The following FAM169A variants were observed in gnomAD, a reference collection of about 807,000 sequenced individuals.
FAM169A encodes family with sequence similarity 169 member A.
Under a neutral mutation model 75.7 loss-of-function variants are expected in FAM169A, and 24 were observed. The observed-to-expected ratio is 0.32, with a 90% confidence interval of 0.23 to 0.45. The LOEUF (loss-of-function observed/expected upper bound fraction) is 0.45. Among genes scored for constraint, FAM169A ranks in the 20% least tolerant of loss-of-function variants. The probability of loss-of-function intolerance (pLI) is 1.00; values close to 1 mark genes in which losing one functional copy is unlikely to be tolerated. For synonymous variants in FAM169A, 271 were observed against 271.0 expected, an observed-to-expected ratio of 1.00 and a Z score of 0.00; for missense variants, 673 against 784.0, an observed-to-expected ratio of 0.86 and a Z score of 1.69.
At chr5:74,784,676 T>G (rs1745596981) in intron 11 of FAM169A, among the ~76,000 whole-genome samples, 1 of 146,460 alleles carries the variant, frequency 6.8e-6, no homozygotes, top group Admixed American at 6.8e-5. Context: ...CCCAGCACTT[T>G]GGGAGGCCGA....
Position 74,810,172 on chromosome 5 carries a change from C to G in FAM169A, c.670+3668G>C, listed in dbSNP as rs375013323. On this transcript the variant is annotated intron_variant, in intron 6 of 12. Coordinates refer to ENST00000687041, the MANE Select transcript of FAM169A (RefSeq NM_001376049.1). ...AAAAGGAATGAAGTACTGAGACATG[C>G]AACATCAATGAGCCTCAAAAATAAG... is the stretch of plus-strand genomic sequence containing the variant. 2.6e-5 allele frequency among the ~76,000 whole-genome samples: 4 copies of G among 152,198 alleles called. No homozygotes were observed. In the South Asian group the frequency reaches 6.2e-4, roughly 24 times the overall value.
chr5:74,849,611 CAACCTTATTTCTG>C lies in FAM169A; in HGVS notation c.-3-7945_-3-7933del, dbSNP rs1749337181. Among the ~76,000 whole-genome samples the C allele has an allele frequency of 2.6e-5, 4 of 152,098 alleles. No individual in the cohort carries two copies. In the South Asian group the frequency reaches 8.3e-4, roughly 32 times the overall value. ...CAGGCAACATAATCAGCAATGCTCT[CAACCTTATTTCTG>C]AACCTTATTATGATTCCTCTCTTGA... On this transcript the variant is annotated intron_variant, in intron 1 of 12. Coordinates refer to ENST00000687041, the MANE Select transcript of FAM169A (RefSeq NM_001376049.1).
intron 5 of FAM169A, among the ~76,000 whole-genome samples, chr5:74,830,919 C>A (rs369961490): frequency 2.0e-5 from 3 of 152,270 alleles, no homozygotes; most frequent in African/African-American, 7.2e-5. Flanking sequence ...GGGTCATACA[C>A]TGGGGCTTTG....
chr5:74,862,184 T>C (rs965626901), intron 1 of FAM169A, among the ~76,000 whole-genome samples: 1 of 152,236 alleles, frequency 6.6e-6, no homozygotes, highest in Non-Finnish European at 1.5e-5. Flanking sequence ...TTTAAACTGC[T>C]ATTGGAATGC....
At chr5:74,822,809 A>C (rs1320371773) in intron 5 of FAM169A, among the ~76,000 whole-genome samples, 1 of 151,932 alleles carries the variant, frequency 6.6e-6, no homozygotes, top group Non-Finnish European at 1.5e-5. Context: ...GTATTATCAA[A>C]CTACTCCTCT....
In FAM169A at chr5:74,801,574, C is replaced by T; in HGVS notation, c.952+16G>A. On this transcript the variant is annotated intron_variant, in intron 9 of 12. Transcript: ENST00000687041. ...GTGTCTCAAATACTTACTGATATAT[C>T]AGTTGAATTTCTTACCTTCGGAAGT... 6.3e-7 allele frequency: 1 copy of T among 1,590,400 alleles called. No homozygotes were observed. The highest frequency in any genetic ancestry group is 2.2e-5 in the East Asian group (1 of 44,760).
intron 12 of FAM169A, 57 bp downstream of exon 12, chr5:74,782,874 C>T (rs928280924): frequency 6.7e-6 from 9 of 1,338,708 alleles, no homozygotes; most frequent in African/African-American, 2.9e-5. Context: ...GCACCCTCCT[C>T]GCTAATGTCA....
In FAM169A at chr5:74,866,371, C is replaced by T; in HGVS notation, c.-210G>A. On this transcript the variant is annotated 5_prime_UTR_variant, in exon 1 of 13. Coordinates refer to ENST00000687041, the MANE Select transcript of FAM169A (RefSeq NM_001376049.1). ...GTCGGCCGCGGCCCACCGTGCCCTCCGACGACGTGACGCACTAGCGCCGCA... is the reference window on the plus strand; with the variant it reads ...GTCGGCCGCGGCCCACCGTGCCCTCTGACGACGTGACGCACTAGCGCCGCA... 1 of 984,418 alleles carries T rather than the reference C, an allele frequency of 1.0e-6. No individual in the cohort carries two copies. The allele number at this position is 984,418 out of a possible 1,614,324, so 61.0% of individuals were successfully genotyped here. A position where few individuals can be genotyped will look rare whatever the true frequency, so the allele number is the denominator to read the frequency against.
At chr5:74,853,996 C>G (rs190696370) in intron 1 of FAM169A, among the ~76,000 whole-genome samples, 1 of 151,728 alleles carries the variant, frequency 6.6e-6, no homozygotes, top group South Asian at 2.1e-4. Flanking sequence ...CCCAATATAT[C>G]TTTTATTTTT....
intron 1 of FAM169A, among the ~76,000 whole-genome samples, chr5:74,865,160 T>C (rs1468370993): frequency 1.3e-5 from 2 of 152,194 alleles, no homozygotes; most frequent in East Asian, 1.9e-4. Flanking sequence ...AGTTCGTAAG[T>C]AGTAATTCGC....
intron 2 of FAM169A, among the ~76,000 whole-genome samples, chr5:74,841,325 C>G (rs1204844864): frequency 1.3e-5 from 2 of 152,116 alleles, no homozygotes; most frequent in Non-Finnish European, 2.9e-5. Context: ...GGTATTCTCA[C>G]ATATAATTTT....
chr5:74,851,455 C>T (rs1370115406), intron 1 of FAM169A, among the ~76,000 whole-genome samples: 2 of 152,286 alleles, frequency 1.3e-5, no homozygotes, highest in African/African-American at 2.4e-5. Flanking sequence ...AAAATACATA[C>T]TGAATTACCA....
At chr5:74,847,186 C>T (rs1254121516) in intron 1 of FAM169A, among the ~76,000 whole-genome samples, 1 of 152,138 alleles carries the variant, frequency 6.6e-6, no homozygotes, top group African/African-American at 2.4e-5. Context: ...TTTAAGTATA[C>T]AGTTCCGTAT....
chr5:74,841,249 C>T (rs1005932402), intron 2 of FAM169A, among the ~76,000 whole-genome samples: 4 of 152,110 alleles, frequency 2.6e-5, no homozygotes, highest in African/African-American at 9.7e-5. Flanking sequence ...TCTAAACTCA[C>T]AAATTCCAAA....
chr5:74,855,614 C>A (rs1047063555), intron 1 of FAM169A, among the ~76,000 whole-genome samples: 1 of 152,144 alleles, frequency 6.6e-6, no homozygotes, highest in East Asian at 1.9e-4. Context: ...ATCTTTGGCT[C>A]ATTTTTTAAT....
At chr5:74,804,658 C>T in intron 7 of FAM169A, 53 bp from the exon 8 acceptor site, 1 of 1,018,076 alleles carries the variant, frequency 9.8e-7, no homozygotes, top group Non-Finnish European at 1.5e-6. Context: ...TTGGTTTTAA[C>T]TCTAACATTG....
At chr5:74,789,953 G>A (rs1377857890) in intron 11 of FAM169A, among the ~76,000 whole-genome samples, 5 of 152,194 alleles carry the variant, frequency 3.3e-5, no homozygotes, top group African/African-American at 4.8e-5. Context: ...CATGTGACCT[G>A]AACTGCCTAT....
intron 1 of FAM169A, among the ~76,000 whole-genome samples, chr5:74,860,453 A>C (rs186779825): frequency 5.1e-4 from 77 of 152,286 alleles, no homozygotes; most frequent in Admixed American, 4.8e-3. Flanking sequence ...AAGATCTCCA[A>C]TAACCCTCCA....
At chr5:74,844,507 G>A (rs910397451) in intron 1 of FAM169A, among the ~76,000 whole-genome samples, 1 of 151,618 alleles carries the variant, frequency 6.6e-6, no homozygotes, top group Non-Finnish European at 1.5e-5. Flanking sequence ...AAATTTCCAT[G>A]ATAAAAAATT....
Sources: allele counts gnomAD v4.1 joint callset (sites outside exome capture counted in the v4.1 genomes callset), GRCh38; gene constraint gnomAD v4.1.1; transcripts MANE v1.5; gene names NCBI Gene and HGNC (gene_info 2026-07-23, HGNC 2026-07-21).